The following NR3C2 variants were observed in gnomAD, a reference collection of about 807,000 sequenced individuals.
The protein encoded by NR3C2 is nuclear receptor subfamily 3 group C member 2.
NR3C2 carries 15 observed loss-of-function variants against 86.4 expected under a neutral mutation model. That is an observed-to-expected ratio of 0.17 (90% CI 0.12 to 0.27). The LOEUF (loss-of-function observed/expected upper bound fraction) is 0.27, where lower values mean the gene tolerates loss of function less well. NR3C2 is among the 10% of genes least tolerant of loss of function. The pLI is 1.00. For synonymous variants in NR3C2, 458 were observed against 450.5 expected, an observed-to-expected ratio of 1.02 and a Z score of -0.21; for missense variants, 960 against 1,195.6, an observed-to-expected ratio of 0.80 and a Z score of 2.91.
At chr4:148,324,064 G>A (rs977311214) in intron 2 of NR3C2, among the ~76,000 whole-genome samples, 1 of 152,002 alleles carries the variant, frequency 6.6e-6, no homozygotes, top group Non-Finnish European at 1.5e-5. Context: ...ACAAGCAGCT[G>A]GTGAGACCAT....
At chr4:148,129,168 A>G (rs1037412861) in intron 6 of NR3C2, among the ~76,000 whole-genome samples, 2 of 152,252 alleles carry the variant, frequency 1.3e-5, no homozygotes, top group Admixed American at 6.5e-5. Context: ...TGGTATATGT[A>G]TACAGTGGGA....
intron 3 of NR3C2, among the ~76,000 whole-genome samples, chr4:148,237,257 C>T (rs1026422507): frequency 6.6e-6 from 1 of 152,112 alleles, no homozygotes; most frequent in Admixed American, 6.6e-5. Context: ...TGCCAAGAAC[C>T]TTTATCACTA....
At chr4:148,153,687 T>G (rs1734210145) in intron 5 of NR3C2, among the ~76,000 whole-genome samples, 1 of 152,044 alleles carries the variant, frequency 6.6e-6, no homozygotes, top group Admixed American at 6.6e-5. Context: ...GTGATGTTTC[T>G]GTAGATTAAG....
chr4:148,251,502 T>C (rs1294751354), intron 3 of NR3C2, among the ~76,000 whole-genome samples: 1 of 152,170 alleles, frequency 6.6e-6, no homozygotes, highest in Admixed American at 6.5e-5. Context: ...TTGGGTATGG[T>C]TTCTGAGCCA....
At chr4:148,245,921 G>T (rs996382245) in intron 3 of NR3C2, among the ~76,000 whole-genome samples, 3 of 152,066 alleles carry the variant, frequency 2.0e-5, no homozygotes, top group Admixed American at 6.6e-5. Context: ...CTTAAGCAGT[G>T]GGAAGAATAC....
intron 4 of NR3C2, 91 bp downstream of exon 4, chr4:148,194,655 G>T: frequency 3.6e-6 from 3 of 827,660 alleles, no homozygotes; most frequent in Non-Finnish European, 4.1e-6. Flanking sequence ...GCTCCCTGTT[G>T]GCTTCGTTTT....
intron 6 of NR3C2, among the ~76,000 whole-genome samples, chr4:148,130,792 T>C (rs998596866): frequency 2.4e-5 from 3 of 123,084 alleles, no homozygotes; most frequent in African/African-American, 9.2e-5. Context: ...AACACGTTTT[T>C]TTTTTTGTTT....
chr4:148,344,374 GA>G (rs913377684), intron 2 of NR3C2, among the ~76,000 whole-genome samples: 2 of 152,156 alleles, frequency 1.3e-5, no homozygotes, highest in Admixed American at 6.5e-5. Context: ...CAGGATGGCT[GA>G]AAAAAGCATG....
At chr4:148,300,587 C>CTTTTTTTTTTTTTTTTTTTT (rs1561027556) in intron 2 of NR3C2, among the ~76,000 whole-genome samples, 1 of 67,830 alleles carries the variant, frequency 1.5e-5, no homozygotes, top group African/African-American at 4.7e-5. Flanking sequence ...CCTTGCTACT[C>CTTTTTTTTTTTTTTTTTTTT]ATTTTTTTTT....
At chr4:148,238,216 G>A (rs908104133) in intron 3 of NR3C2, among the ~76,000 whole-genome samples, 1 of 152,076 alleles carries the variant, frequency 6.6e-6, no homozygotes, top group Non-Finnish European at 1.5e-5. Context: ...ATTTATCTAT[G>A]GTATTTGTTT....
chr4:148,176,302 T>C (rs549116459), intron 4 of NR3C2, among the ~76,000 whole-genome samples: 101 of 152,332 alleles, frequency 6.6e-4, no homozygotes, highest in African/African-American at 2.2e-3. Flanking sequence ...ACTGTAGATG[T>C]TGAAATTATA....
chr4:148,232,479 A>T (rs1738516676), intron 3 of NR3C2, among the ~76,000 whole-genome samples: 1 of 152,238 alleles, frequency 6.6e-6, no homozygotes, highest in Admixed American at 6.5e-5. Flanking sequence ...TATTCAGTAT[A>T]CCATGCTGTG....
At chr4:148,195,554 T>C (rs1327541507) in intron 3 of NR3C2, among the ~76,000 whole-genome samples, 1 of 152,176 alleles carries the variant, frequency 6.6e-6, no homozygotes, top group Non-Finnish European at 1.5e-5. Flanking sequence ...GGGGGAGACA[T>C]AATAGACAAG....
chr4:148,088,667 G>C (rs1730925424), intron 8 of NR3C2, among the ~76,000 whole-genome samples: 1 of 144,632 alleles, frequency 6.9e-6, no homozygotes, highest in Non-Finnish European at 1.5e-5. Context: ...TGAACAATGA[G>C]AACACATGGA....
At chr4:148,247,066 C>G (rs995788626) in intron 3 of NR3C2, among the ~76,000 whole-genome samples, 11 of 152,080 alleles carry the variant, frequency 7.2e-5, no homozygotes, top group Admixed American at 5.9e-4. Flanking sequence ...GAGAAAAGCA[C>G]AATTAGTACT....
At chr4:148,280,156 G>A (rs572556848) in intron 2 of NR3C2, among the ~76,000 whole-genome samples, 1 of 152,252 alleles carries the variant, frequency 6.6e-6, no homozygotes, top group East Asian at 1.9e-4. Flanking sequence ...AAATTTCACT[G>A]AGCTCCTATG....
rs555960879 is a variant in NR3C2 at position 148,236,699 on chromosome 4, G to C, written c.1897+23279C>G. On this transcript the variant is annotated intron_variant, in intron 3 of 8. Coordinates refer to ENST00000358102, the MANE Select transcript of NR3C2 (RefSeq NM_000901.5). ...GGACACTCATGGTCATCACTGATAA[G>C]GTATCACAATAGAATGTGCATCATA... Among the ~76,000 whole-genome samples, 18 of 152,236 alleles carry C rather than the reference G, an allele frequency of 1.2e-4. No homozygotes were observed. In the East Asian group the frequency reaches 3.3e-3, roughly 28 times the overall value.
At chr4:148,141,099 C>T (rs1192758678) in intron 6 of NR3C2, among the ~76,000 whole-genome samples, 1 of 152,182 alleles carries the variant, frequency 6.6e-6, no homozygotes, top group African/African-American at 2.4e-5. Flanking sequence ...AGAAAGAGCA[C>T]ATATTAACAA....
chr4:148,130,924 C>T (rs920611683), intron 6 of NR3C2, among the ~76,000 whole-genome samples: 1 of 148,196 alleles, frequency 6.7e-6, no homozygotes, highest in Admixed American at 6.9e-5. Context: ...CCTGGGTTCA[C>T]GCCATTCTCC....
Sources: allele counts gnomAD v4.1 joint callset (sites outside exome capture counted in the v4.1 genomes callset), GRCh38; gene constraint gnomAD v4.1.1; transcripts MANE v1.5; gene names NCBI Gene and HGNC (gene_info 2026-07-23, HGNC 2026-07-21).